Variants in FKBP5 observed in about 807,000 individuals in gnomAD.
The protein encoded by FKBP5 is FKBP prolyl isomerase 5, also known as peptidyl-prolyl cis-trans isomerase FKBP5.
Under a neutral mutation model 50.5 loss-of-function variants are expected in FKBP5, and 23 were observed. The observed-to-expected ratio is 0.46, with a 90% confidence interval of 0.33 to 0.65. The LOEUF is 0.65. Among genes scored for constraint, FKBP5 ranks in the 30% least tolerant of loss-of-function variants. FKBP5 has a pLI of 0.02. For missense variants in FKBP5, 411 were observed against 553.1 expected (o/e 0.74, Z 2.58); for synonymous variants, 176 against 190.6 (o/e 0.92, Z 0.63).
intron 1 of FKBP5, among the ~76,000 whole-genome samples, chr6:35,644,678 C>T (rs1764582124): frequency 6.6e-6 from 1 of 152,210 alleles, no homozygotes; most frequent in Admixed American, 6.5e-5. Flanking sequence ...CCTAGCTCTA[C>T]ATGAGGTGAG....
Position 35,613,213 on chromosome 6 carries a change from TTTTA to T in FKBP5, c.508+5879_508+5882del, listed in dbSNP as rs1432925840. ...CGGCTTTAGTTCCAGGTTTTATTTA[TTTTA>T]TTTATTTATTTTTTTGAGACGGAGT... On this transcript the variant is annotated intron_variant, in intron 5 of 10. Transcript: ENST00000357266. Among the ~76,000 whole-genome samples the T allele has an allele frequency of 2.4e-3, 359 of 152,264 alleles. 2 individuals carry two copies. The highest frequency in any genetic ancestry group is 7.1e-3 in the African/African-American group (293 of 41,548).
chr6:35,589,016 T>C (rs1481781341), intron 7 of FKBP5, among the ~76,000 whole-genome samples: 3 of 149,130 alleles, frequency 2.0e-5, no homozygotes, highest in Non-Finnish European at 3.0e-5. Context: ...CTGGGATTTA[T>C]AGGTGTGAGC....
chr6:35,652,333 T>C (rs1346433878), intron 1 of FKBP5, among the ~76,000 whole-genome samples: 2 of 152,232 alleles, frequency 1.3e-5, no homozygotes, highest in African/African-American at 2.4e-5. Flanking sequence ...ATAAGAGAGA[T>C]AACCTTAAAC....
chr6:35,668,851 C>T (rs1765302372), intron 1 of FKBP5, among the ~76,000 whole-genome samples: 2 of 152,108 alleles, frequency 1.3e-5, no homozygotes, highest in South Asian at 4.1e-4. Context: ...CTATCAATCA[C>T]ATCCTGTTAA....
chr6:35,596,483 A>G lies in FKBP5; in HGVS notation c.665+765T>C, dbSNP rs143268715. Among the ~76,000 whole-genome samples the G allele has an allele frequency of 4.4e-3, 669 of 152,258 alleles. 2 individuals carry two copies. The highest frequency in any genetic ancestry group is 0.027 in the Middle Eastern group (8 of 294). On this transcript the variant is annotated intron_variant, in intron 6 of 10. Coordinates refer to ENST00000357266, the MANE Select transcript of FKBP5 (RefSeq NM_004117.4). ...ACCTACTGGCAAGTGCAGGTCATCA[A>G]GATTCTCAGTAACTCAGAATCCCAC...
intron 2 of FKBP5, among the ~76,000 whole-genome samples, chr6:35,701,248 G>GTTT (rs552906381): frequency 1.4e-5 from 2 of 139,364 alleles, no homozygotes; most frequent in African/African-American, 2.6e-5. Context: ...TTGTTTTTTT[G>GTTT]TTTTTTTTTT....
chr6:35,717,708 T>C (rs1168699683), intron 2 of FKBP5, among the ~76,000 whole-genome samples: 1 of 152,208 alleles, frequency 6.6e-6, no homozygotes, highest in Non-Finnish European at 1.5e-5. Context: ...GGAGGATTTC[T>C]GCCCGGGTGT....
At chr6:35,623,831 C>T (rs570998649) in intron 3 of FKBP5, among the ~76,000 whole-genome samples, 1 of 151,852 alleles carries the variant, frequency 6.6e-6, no homozygotes, top group Non-Finnish European at 1.5e-5. Flanking sequence ...AATCTCCTGC[C>T]TCTGCCTCCC....
chr6:35,604,210 A>G (rs757695271), intron 5 of FKBP5, among the ~76,000 whole-genome samples: 4 of 149,284 alleles, frequency 2.7e-5, no homozygotes, highest in Non-Finnish European at 5.9e-5. Flanking sequence ...GGGTCTCACC[A>G]TGTTGCCAGG....
At chr6:35,709,897 A>G (rs1766385207) in intron 2 of FKBP5, among the ~76,000 whole-genome samples, 1 of 151,602 alleles carries the variant, frequency 6.6e-6, no homozygotes, top group Admixed American at 6.6e-5. Flanking sequence ...AACAGACAAG[A>G]GATGTTTGTT....
In FKBP5 at chr6:35,613,866, G is replaced by A. The variant is rs903028593; in HGVS notation, c.508+5230C>T. ...CATTCTAACAAGATGAAAGACAAAA[G>A]ATTAGTCATTGCCCTTTCTTTTGTT... On this transcript the variant is annotated intron_variant, in intron 5 of 10. Transcript: ENST00000357266. Among the ~76,000 whole-genome samples, 9 of 152,104 alleles carry A rather than the reference G, an allele frequency of 5.9e-5. No homozygotes were observed. In the South Asian group the frequency reaches 6.2e-4, roughly 11 times the overall value.
chr6:35,711,572 C>T (rs567621586), intron 2 of FKBP5, among the ~76,000 whole-genome samples: 3 of 151,816 alleles, frequency 2.0e-5, no homozygotes, highest in East Asian at 3.9e-4. Context: ...GAGCTGAGGC[C>T]GTGCCACTGT....
intron 6 of FKBP5, among the ~76,000 whole-genome samples, chr6:35,592,570 T>TA (rs570385684): frequency 6.6e-4 from 101 of 152,322 alleles, no homozygotes; most frequent in Non-Finnish European, 1.3e-3. Flanking sequence ...TAATAAATTT[T>TA]AAAAAAATTC....
intron 6 of FKBP5, among the ~76,000 whole-genome samples, chr6:35,596,292 T>G (rs1355916344): frequency 1.3e-5 from 2 of 151,876 alleles, no homozygotes; most frequent in African/African-American, 4.8e-5. Flanking sequence ...AGGTAGAGGT[T>G]GCAGTGAGCC....
At chr6:35,725,249 C>T (rs1329915807) in intron 1 of FKBP5, among the ~76,000 whole-genome samples, 7 of 152,104 alleles carry the variant, frequency 4.6e-5, no homozygotes, top group Non-Finnish European at 1.0e-4. Context: ...CCCTCCCTGC[C>T]GCGAGGCCCC....
At chr6:35,639,026 T>C (rs1764404380) in intron 2 of FKBP5, among the ~76,000 whole-genome samples, 1 of 152,206 alleles carries the variant, frequency 6.6e-6, no homozygotes, top group Non-Finnish European at 1.5e-5. Context: ...GATGAATTTG[T>C]ACCTAAATCT....
intron 2 of FKBP5, among the ~76,000 whole-genome samples, chr6:35,697,365 T>G (rs1766098721): frequency 6.6e-6 from 1 of 152,068 alleles, no homozygotes. Context: ...CTGACCAACA[T>G]GGAGAAACTC....
At chr6:35,589,106 ATTTTTATATATATATATATATATT>A (rs1451327588) in intron 7 of FKBP5, among the ~76,000 whole-genome samples, 5 of 112,324 alleles carry the variant, frequency 4.5e-5, no homozygotes, top group South Asian at 2.4e-4. Context: ...ATATATATAT[ATTTTTATATATATATATATATATT>A]TTTTTTTTTT....
intron 5 of FKBP5, among the ~76,000 whole-genome samples, chr6:35,615,067 C>A (rs1763602853): frequency 6.6e-6 from 1 of 151,132 alleles, no homozygotes; most frequent in South Asian, 2.1e-4. Flanking sequence ...GAAGTTGCAG[C>A]GAGCTGAGAT....
Sources: gnomAD v4.1 joint callset for allele counts (sites outside exome capture counted in the v4.1 genomes callset) on GRCh38, gnomAD v4.1.1 for gene constraint, MANE v1.5 for transcripts, NCBI Gene and HGNC (gene_info 2026-07-23, HGNC 2026-07-21) for gene names.